SMCO2: variants seen among roughly 807,000 people sequenced by gnomAD.
The protein encoded by SMCO2 is single-pass membrane protein with coiled-coil domains 2.
SMCO2 carries 25 observed loss-of-function variants against 29.5 expected under a neutral mutation model. The observed-to-expected ratio is 0.85, with a 90% CI of 0.62 to 1.18. SMCO2 has a LOEUF of 1.18. SMCO2 is among the 50% of genes most tolerant of loss of function. The pLI is 0.00. For synonymous variants in SMCO2, 117 were observed against 123.3 expected, an observed-to-expected ratio of 0.95 and a Z score of 0.34; for missense variants, 348 against 344.5, an observed-to-expected ratio of 1.01 and a Z score of -0.08.
chr12:27,428,614 T>C, the SMCO2 span, among the ~76,000 whole-genome samples: 1 of 152,026 alleles, frequency 6.6e-6, no homozygotes, highest in Middle Eastern at 3.4e-3. Flanking sequence ...CTCTGTCCAT[T>C]GCTTAAGGCA....
chr12:27,430,821 A>T, the SMCO2 span, among the ~76,000 whole-genome samples: 1 of 152,130 alleles, frequency 6.6e-6, no homozygotes, highest in Non-Finnish European at 1.5e-5. Context: ...TTAAGAGTTA[A>T]GTAACTTAAC....
At chr12:27,465,664 C>T (rs541636285), upstream of SMCO2, among the ~76,000 whole-genome samples, 16 of 152,288 alleles carry the variant, frequency 1.1e-4, no homozygotes, top group South Asian at 6.2e-4. Context: ...ACCTATTGTG[C>T]GTCAGCCACT....
At chr12:27,459,472 G>C in the SMCO2 span, among the ~76,000 whole-genome samples, 1 of 151,962 alleles carries the variant, frequency 6.6e-6, no homozygotes, top group Non-Finnish European at 1.5e-5. Flanking sequence ...ACTACTTCAG[G>C]GTGCAGGATG....
chr12:27,423,886 C>T, the SMCO2 span: 1 of 152,132 alleles, frequency 6.6e-6, no homozygotes, highest in Admixed American at 6.5e-5. Flanking sequence ...CTGTCCAGTG[C>T]AGTAGCCACT....
At chr12:27,475,023 CT>C in intron 4 of SMCO2, 110 bp downstream of exon 4, 2 of 1,333,720 alleles carry the variant, frequency 1.5e-6, no homozygotes, top group South Asian at 2.9e-5. Flanking sequence ...CCATACATGT[CT>C]TGAACCATAA....
chr12:27,478,457 T>C (rs989407632), intron 4 of SMCO2, among the ~76,000 whole-genome samples: 5 of 152,194 alleles, frequency 3.3e-5, no homozygotes, highest in Non-Finnish European at 5.9e-5. Flanking sequence ...ATCATGTCCC[T>C]GGGCACTGTG....
the SMCO2 span, among the ~76,000 whole-genome samples, chr12:27,440,374 G>GA: frequency 1.1e-4 from 17 of 151,690 alleles, no homozygotes; most frequent in Non-Finnish European, 1.0e-4. Flanking sequence ...CAATCTGAAA[G>GA]AAAAAAAACA....
the SMCO2 span, among the ~76,000 whole-genome samples, chr12:27,451,700 C>G: frequency 1.3e-5 from 2 of 152,212 alleles, no homozygotes; most frequent in Non-Finnish European, 1.5e-5. Flanking sequence ...CTGCACATGT[C>G]TGCCTCAACA....
intron 4 of SMCO2, among the ~76,000 whole-genome samples, chr12:27,482,512 G>C (rs1949653669): frequency 6.6e-6 from 1 of 152,154 alleles, no homozygotes; most frequent in Non-Finnish European, 1.5e-5. Flanking sequence ...CGTTGGCCAG[G>C]CTGGTCTTGA....
exon 8 of SMCO2, chr12:27,501,989 A>G (rs1230816326): frequency 1.3e-6 from 2 of 1,548,026 alleles, no homozygotes; most frequent in East Asian, 2.4e-5. Context: ...TATGTTACAT[A>G]CTATTTTTTG....
At chr12:27,488,131 G>A (rs1418272035) in intron 4 of SMCO2, among the ~76,000 whole-genome samples, 2 of 152,004 alleles carry the variant, frequency 1.3e-5, no homozygotes, top group East Asian at 1.9e-4. Context: ...TTATATAATT[G>A]ATGTTAAGCC....
At chr12:27,437,838 A>G in the SMCO2 span, among the ~76,000 whole-genome samples, 3 of 152,196 alleles carry the variant, frequency 2.0e-5, no homozygotes, top group East Asian at 1.9e-4. Context: ...TTTCCCCTCA[A>G]CACCTCAGTC....
chr12:27,453,970 C>G, the SMCO2 span, among the ~76,000 whole-genome samples: 3 of 152,088 alleles, frequency 2.0e-5, no homozygotes, highest in South Asian at 6.2e-4. Flanking sequence ...TTCTTTTAGA[C>G]TTTCTCTATG....
At chr12:27,465,028 CAAA>C (rs35630976), upstream of SMCO2, among the ~76,000 whole-genome samples, 2 of 60,558 alleles carry the variant, frequency 3.3e-5, no homozygotes, top group Non-Finnish European at 3.3e-5. Flanking sequence ...GACCCTGTCT[CAAA>C]AAAAAAAAAA....
chr12:27,456,032 A>G, the SMCO2 span, among the ~76,000 whole-genome samples: 1 of 152,244 alleles, frequency 6.6e-6, no homozygotes, highest in Non-Finnish European at 1.5e-5. Flanking sequence ...CCTGGCCAAC[A>G]TGGCGAAACC....
In SMCO2 at chr12:27,472,770, T is replaced by C. The variant is rs1007611061; in HGVS notation, c.135-6T>C. 3 of 1,549,596 alleles carry C rather than the reference T, an allele frequency of 1.9e-6. No individual in the cohort carries two copies. The African/African-American group carries it at 4.1e-5, about 21-fold the overall frequency. ...ACAGCCTCTGTTTGGATTGTGTGGC[T>C]TGCAGTTTGCTAAAGGAAATTATCA... On this transcript the variant is annotated splice_polypyrimidine_tract_variant and splice_region_variant and intron_variant, in intron 2 of 7. Coordinates refer to ENST00000298876, the Ensembl canonical transcript of SMCO2.
At chr12:27,476,060 G>A (rs991811716) in intron 4 of SMCO2, among the ~76,000 whole-genome samples, 2 of 152,080 alleles carry the variant, frequency 1.3e-5, no homozygotes, top group Non-Finnish European at 2.9e-5. Context: ...GTGGTAGGTT[G>A]TTTGTTTTCA....
At chr12:27,453,240 A>C in the SMCO2 span, among the ~76,000 whole-genome samples, 1 of 152,210 alleles carries the variant, frequency 6.6e-6, no homozygotes, top group African/African-American at 2.4e-5. Flanking sequence ...AAATGTGGTC[A>C]AGAGTCTTCC....
At chr12:27,482,834 C>T (rs531265530) in intron 4 of SMCO2, among the ~76,000 whole-genome samples, 1 of 152,334 alleles carries the variant, frequency 6.6e-6, no homozygotes, top group East Asian at 1.9e-4. Context: ...TCAAGCAATC[C>T]TTCCACCTCT....
Sources: gnomAD v4.1 joint callset for allele counts (sites outside exome capture counted in the v4.1 genomes callset) on GRCh38, gnomAD v4.1.1 for gene constraint, MANE v1.5 for transcripts, NCBI Gene and HGNC (gene_info 2026-07-23, HGNC 2026-07-21) for gene names.